The following CELF2 variants were observed in gnomAD, a reference collection of about 807,000 sequenced individuals.
CELF2 encodes CUGBP Elav-like family member 2.
CELF2 carries 8 observed loss-of-function variants against 62.6 expected under a neutral mutation model. The observed-to-expected ratio is 0.13, with a 90% CI of 0.07 to 0.23. The LOEUF (loss-of-function observed/expected upper bound fraction) is 0.23. Among genes scored for constraint, CELF2 ranks in the 10% least tolerant of loss-of-function variants. The pLI, the probability that CELF2 is intolerant of heterozygous loss-of-function variation, is 1.00. For synonymous variants in CELF2, 258 were observed against 250.0 expected, an observed-to-expected ratio of 1.03 and a Z score of -0.30; for missense variants, 333 against 671.0, an observed-to-expected ratio of 0.50 and a Z score of 5.56.
At chr10:11,027,952 T>A (rs1318510470) in intron 1 of CELF2, among the ~76,000 whole-genome samples, 1 of 152,182 alleles carries the variant, frequency 6.6e-6, no homozygotes, top group Admixed American at 6.5e-5. Flanking sequence ...TGGCCGCAAG[T>A]TCCCCCGCAT....
the CELF2 span, among the ~76,000 whole-genome samples, chr10:10,668,520 A>G: frequency 6.6e-6 from 1 of 152,198 alleles, no homozygotes. Context: ...AATACAACAT[A>G]TATGTTTCCC....
At chr10:11,125,884 G>T (rs1215796147) in intron 1 of CELF2, among the ~76,000 whole-genome samples, 2 of 138,250 alleles carry the variant, frequency 1.4e-5, no homozygotes, top group Non-Finnish European at 3.1e-5. Flanking sequence ...TCTAAATTTT[G>T]TGTTATTAAA....
chr10:11,270,919 A>G lies in CELF2; in HGVS notation c.777+95A>G, dbSNP rs1480569394. On this transcript the variant is annotated intron_variant, in intron 7 of 12. Coordinates refer to ENST00000633077, the MANE Select transcript of CELF2 (RefSeq NM_001326342.2). This position sits in a 1 kb window ranked among gnomAD's most constrained non-coding sequence, Gnocchi z 5.8. ...ACGCTGAGGCATTTGTTTTCAGTAC[A>G]TTTTCAATCTCGGGGAATTATTGAA... is the stretch of plus-strand genomic sequence containing the variant. 1 of 1,136,342 alleles carries G rather than the reference A, an allele frequency of 8.8e-7. No homozygotes were observed. 70.4% of individuals were successfully genotyped at this position (1,136,342 alleles called of 1,614,324 possible). A position where few individuals can be genotyped will look rare whatever the true frequency, so the allele number is the denominator to read the frequency against.
Position 11,033,367 on chromosome 10 carries a change from C to T in CELF2, c.74+15204C>T, listed in dbSNP as rs183500531. ...CCACCCCCCAGGTTCAAGCGATTCT[C>T]GTGCCTCAGCTTCCCGAGTACCTGG... On this transcript the variant is annotated intron_variant, in intron 1 of 12. Transcript: ENST00000633077. Among the ~76,000 whole-genome samples, 8 of 152,002 alleles carry T rather than the reference C, an allele frequency of 5.3e-5. No homozygotes were observed. In the East Asian group the frequency reaches 7.7e-4, roughly 15 times the overall value.
chr10:11,288,320 T>C, intron 8 of CELF2, 98 bp from the exon 9 acceptor site: 1 of 1,489,866 alleles, frequency 6.7e-7, no homozygotes, highest in Non-Finnish European at 9.1e-7. Context: ...TCGTCTGCTC[T>C]CATCATGTGT....
the CELF2 span, among the ~76,000 whole-genome samples, chr10:10,502,841 T>C: frequency 6.6e-6 from 1 of 152,120 alleles, no homozygotes; most frequent in African/African-American, 2.4e-5. Flanking sequence ...CATTATTGAT[T>C]TGAGACATTT....
chr10:11,068,916 G>T (rs899375055), intron 1 of CELF2, among the ~76,000 whole-genome samples: 1 of 152,186 alleles, frequency 6.6e-6, no homozygotes, highest in Non-Finnish European at 1.5e-5. Flanking sequence ...TTACCACATA[G>T]CTCTGTTGGA....
the CELF2 span, among the ~76,000 whole-genome samples, chr10:10,726,860 A>G: frequency 6.6e-6 from 1 of 152,212 alleles, no homozygotes; most frequent in Non-Finnish European, 1.5e-5. Context: ...TTATAGAGAA[A>G]AGAGGTTTAA....
At chr10:10,981,842 A>G (rs993127962) in intron 2 of CELF2, among the ~76,000 whole-genome samples, 2 of 152,222 alleles carry the variant, frequency 1.3e-5, no homozygotes, top group African/African-American at 4.8e-5. Context: ...AAGATGAGAA[A>G]ACCGAGGCTT....
intron 7 of CELF2, among the ~76,000 whole-genome samples, chr10:11,274,853 TGAG>T (rs1380925328): frequency 0.021 from 203 of 9,588 alleles, 1 homozygote; most frequent in African/African-American, 0.022. Context: ...GCAGTGTTAG[TGAG>T]TTTCCCCAGT....
intron 2 of CELF2, among the ~76,000 whole-genome samples, chr10:11,213,955 G>GT (rs1407318554): frequency 6.6e-6 from 1 of 152,128 alleles, no homozygotes; most frequent in East Asian, 1.9e-4. Context: ...ACCTAGTTTC[G>GT]TGGGGGGATA....
chr10:11,021,232 G>A (rs11256949), intron 1 of CELF2, among the ~76,000 whole-genome samples: 4,565 of 152,266 alleles, frequency 0.03, 113 homozygotes, highest in South Asian at 0.07. Flanking sequence ...AGCATTAGGT[G>A]TTAGAATAAG....
the CELF2 span, among the ~76,000 whole-genome samples, chr10:10,719,982 A>G: frequency 5.2e-4 from 79 of 152,332 alleles, no homozygotes; most frequent in African/African-American, 1.7e-3. Context: ...TAACCATTTC[A>G]TCTTTCTGAA....
At chr10:10,895,983 A>G (rs1048447907) in intron 1 of CELF2, among the ~76,000 whole-genome samples, 1 of 152,194 alleles carries the variant, frequency 6.6e-6, no homozygotes, top group Non-Finnish European at 1.5e-5. Flanking sequence ...AGAGTCCAAG[A>G]AGACTAAGGT....
At chr10:10,765,025 G>C in the CELF2 span, among the ~76,000 whole-genome samples, 1 of 152,206 alleles carries the variant, frequency 6.6e-6, no homozygotes, top group Non-Finnish European at 1.5e-5. Flanking sequence ...AGAGAAGCTA[G>C]AGCCAACACA....
At chr10:11,162,268 C>T (rs1026163917) in intron 1 of CELF2, among the ~76,000 whole-genome samples, 1 of 151,998 alleles carries the variant, frequency 6.6e-6, no homozygotes, top group African/African-American at 2.4e-5. Flanking sequence ...GTCAATGGGA[C>T]AGGACCACCC....
chr10:10,861,959 C>A (rs1239541598), intron 1 of CELF2, among the ~76,000 whole-genome samples: 1 of 151,968 alleles, frequency 6.6e-6, no homozygotes, highest in Admixed American at 6.6e-5. Context: ...TTTTTTATTC[C>A]CATTGTGTCC....
At chr10:10,526,454 G>C in the CELF2 span, among the ~76,000 whole-genome samples, 1 of 152,136 alleles carries the variant, frequency 6.6e-6, no homozygotes, top group African/African-American at 2.4e-5. Flanking sequence ...ACCTTTAATT[G>C]TTGTCATTTA....
chr10:10,771,472 C>T, the CELF2 span, among the ~76,000 whole-genome samples: 24 of 152,294 alleles, frequency 1.6e-4, no homozygotes, highest in African/African-American at 5.8e-4. Flanking sequence ...TTCCTTCAGT[C>T]CTGCTGATAC....
Sources: gnomAD v4.1 joint callset for allele counts (sites outside exome capture counted in the v4.1 genomes callset) on GRCh38, gnomAD v4.1.1 for gene constraint, Gnocchi (gnomAD v3.1) non-coding constraint, MANE v1.5 for transcripts, NCBI Gene and HGNC (gene_info 2026-07-23, HGNC 2026-07-21) for gene names.